Variants in GAB2 observed in about 807,000 individuals in gnomAD.
GAB2 encodes GRB2-associated-binding protein 2.
In GAB2, 26 loss-of-function variants were observed where a neutral mutation model predicts 65.5. The observed-to-expected ratio is 0.40, with a 90% confidence interval of 0.29 to 0.55. GAB2 has a LOEUF of 0.55. Among genes scored for constraint, GAB2 ranks in the 20% least tolerant of loss-of-function variants. The probability of loss-of-function intolerance (pLI) is 0.53; values close to 1 mark genes in which losing one functional copy is unlikely to be tolerated. For missense variants in GAB2, 884 were observed against 875.8 expected, an observed-to-expected ratio of 1.01 and a Z score of -0.12; for synonymous variants, 321 against 329.6, an observed-to-expected ratio of 0.97 and a Z score of 0.28.
rs1565412112 is a variant in GAB2 at position 78,217,165 on chromosome 11, C to T, written c.*2107G>A. The T allele has an allele frequency of 1.3e-5, 2 of 152,538 alleles. No homozygotes were observed. Among genetic ancestry groups the T allele is most frequent in the Non-Finnish European group, 2.9e-5 (2 of 68,158 alleles). The allele number at this position is 152,538 out of a possible 1,614,324, so 9.4% of individuals were successfully genotyped here. A position where few individuals can be genotyped will look rare whatever the true frequency, so the allele number is the denominator to read the frequency against. The stretch of plus-strand genomic sequence containing the variant: ...CCCCACTCCTGCCTCTGACACCAAC[C>T]TCCCTAAGTACTTCCTCTGCCCTCC... On this transcript the variant is annotated 3_prime_UTR_variant, in exon 10 of 10. Transcript: ENST00000361507.
At chr11:78,413,130 A>G (rs1275957493) in intron 1 of GAB2, among the ~76,000 whole-genome samples, 11 of 152,218 alleles carry the variant, frequency 7.2e-5, no homozygotes, top group Admixed American at 7.2e-4. Flanking sequence ...TTGACTGGGA[A>G]ACATTCAAAT....
intron 1 of GAB2, among the ~76,000 whole-genome samples, chr11:78,362,229 T>C (rs1156962305): frequency 2.6e-5 from 4 of 152,152 alleles, no homozygotes; most frequent in Admixed American, 2.6e-4. Flanking sequence ...ATTATAAAGA[T>C]AAATACACCA....
chr11:78,407,601 C>A (rs374485529), intron 1 of GAB2, among the ~76,000 whole-genome samples: 3 of 143,812 alleles, frequency 2.1e-5, no homozygotes, highest in African/African-American at 7.6e-5. Context: ...CCATTGCATT[C>A]CAGCCTGGGT....
chr11:78,310,567 C>G (rs528863411), intron 1 of GAB2, among the ~76,000 whole-genome samples: 1 of 151,050 alleles, frequency 6.6e-6, no homozygotes, highest in Non-Finnish European at 1.5e-5. Context: ...GATCTGTAAG[C>G]GGGAACCAGG....
intron 2 of GAB2, among the ~76,000 whole-genome samples, chr11:78,256,986 G>C (rs995593370): frequency 1.3e-5 from 2 of 151,666 alleles, no homozygotes; most frequent in East Asian, 3.9e-4. Context: ...AAATGCCTGA[G>C]TCAATCTATT....
intron 2 of GAB2, among the ~76,000 whole-genome samples, chr11:78,278,725 GT>G (rs60501874): frequency 0.3 from 41,412 of 139,982 alleles, 7,142 homozygotes; most frequent in African/African-American, 0.5. Context: ...CAACATTTTT[GT>G]TTTTTTTTTT....
rs367993877 is a variant in GAB2, at chr11:78,215,865, G to A, written c.*3407C>T. 1.3e-5 allele frequency: 2 copies of A among 152,712 alleles called. No individual in the cohort carries two copies. The highest frequency in any genetic ancestry group is 2.9e-5 in the Non-Finnish European group (2 of 68,094). The allele number at this position is 152,712 out of a possible 1,614,324, so 9.5% of individuals were successfully genotyped here. The stretch of plus-strand genomic sequence containing the variant: ...GGGGAAGGAAGAACTCTGGAAATGG[G>A]ATAGGGGTGCTGGGCCGAGATGTCC... On this transcript the variant is annotated 3_prime_UTR_variant, in exon 10 of 10. Transcript: ENST00000361507.
chr11:78,416,753 G>A (rs539221930), intron 1 of GAB2, among the ~76,000 whole-genome samples: 1 of 150,146 alleles, frequency 6.7e-6, no homozygotes, highest in South Asian at 2.1e-4. Context: ...ACCTCACCAG[G>A]CAAGGCATCC....
Position 78,219,120 on chromosome 11 carries a change from G to GTTCC in GAB2, c.*151_*152insGGAA, listed in dbSNP as rs1162809415. ...TCAGGCCCTCACCTCCCAGGGGAAG[G>GTTCC]GTTCAGGGTCCCTGATGTCAAGTGC... On this transcript the variant is annotated 3_prime_UTR_variant, in exon 10 of 10. Coordinates refer to ENST00000361507, the MANE Select transcript of GAB2 (RefSeq NM_080491.3). 2.9e-5 allele frequency: 20 copies of GTTCC among 695,860 alleles called. No homozygotes were observed. In the African/African-American group the frequency reaches 3.6e-4, roughly 12 times the overall value. The allele number at this position is 695,860 out of a possible 1,614,324, so 43.1% of individuals were successfully genotyped here.
intron 2 of GAB2, among the ~76,000 whole-genome samples, chr11:78,270,178 T>C (rs753635094): frequency 2.6e-5 from 4 of 151,940 alleles, no homozygotes; most frequent in Non-Finnish European, 4.4e-5. Flanking sequence ...AATACAAAAA[T>C]TAGCCGGGCA....
At chr11:78,278,075 T>TC (rs1866224620) in intron 2 of GAB2, among the ~76,000 whole-genome samples, 1 of 151,706 alleles carries the variant, frequency 6.6e-6, no homozygotes, top group Non-Finnish European at 1.5e-5. Context: ...CTGCTTTTTT[T>TC]TTTTTTTTTT....
intron 1 of GAB2, among the ~76,000 whole-genome samples, chr11:78,351,542 A>AG (rs1856278161): frequency 6.6e-6 from 1 of 152,090 alleles, no homozygotes; most frequent in African/African-American, 2.4e-5. Flanking sequence ...GATTCAGTAG[A>AG]GGGGTGGTAT....
At chr11:78,411,007 G>C (rs866765625) in intron 1 of GAB2, among the ~76,000 whole-genome samples, 4 of 151,898 alleles carry the variant, frequency 2.6e-5, no homozygotes, top group Middle Eastern at 6.8e-3. Flanking sequence ...AAAAAAATTA[G>C]CCAGGCACAG....
At chr11:78,338,292 T>C (rs571175435) in intron 1 of GAB2, among the ~76,000 whole-genome samples, 13 of 152,328 alleles carry the variant, frequency 8.5e-5, no homozygotes, top group African/African-American at 3.1e-4. Flanking sequence ...ACTGGAGGTA[T>C]CCACATGTCA....
At chr11:78,251,456 C>A (rs1490573145) in intron 2 of GAB2, among the ~76,000 whole-genome samples, 1 of 152,186 alleles carries the variant, frequency 6.6e-6, no homozygotes. Context: ...ACACCCCAAG[C>A]CAAGGTCATT....
chr11:78,401,311 G>T (rs907537444), intron 1 of GAB2, among the ~76,000 whole-genome samples: 2 of 152,056 alleles, frequency 1.3e-5, no homozygotes, highest in Non-Finnish European at 2.9e-5. Flanking sequence ...CCTACCCCTA[G>T]CCCCTGGCAA....
In GAB2 at chr11:78,373,289, G is replaced by T. The variant is rs971810187; in HGVS notation, c.75+44357C>A. 4.0e-5 allele frequency among the ~76,000 whole-genome samples: 6 copies of T among 150,336 alleles called. No individual in the cohort carries two copies. In the East Asian group the frequency reaches 7.8e-4, roughly 20 times the overall value. ...AGTTTCACTTTTGTTGCCCAGGCTG[G>T]AGTGCAATGGCGGAATCTCAGCTCA... On this transcript the variant is annotated intron_variant, in intron 1 of 9. Transcript: ENST00000361507.
intron 1 of GAB2, among the ~76,000 whole-genome samples, chr11:78,364,575 C>T (rs568391026): frequency 5.3e-5 from 8 of 152,188 alleles, no homozygotes; most frequent in Non-Finnish European, 1.0e-4. Flanking sequence ...AGCTCAATCC[C>T]CATTTTGTAA....
At chr11:78,263,559 G>A (rs1378974291) in intron 2 of GAB2, among the ~76,000 whole-genome samples, 1 of 151,220 alleles carries the variant, frequency 6.6e-6, no homozygotes, top group Non-Finnish European at 1.5e-5. Flanking sequence ...CTTGAACCCA[G>A]GAGGCAGAGG....
Sources: allele counts gnomAD v4.1 joint callset (sites outside exome capture counted in the v4.1 genomes callset), GRCh38; gene constraint gnomAD v4.1.1; transcripts MANE v1.5; gene names NCBI Gene and HGNC (gene_info 2026-07-23, HGNC 2026-07-21).